Variants in GUCY1B1 observed in about 807,000 individuals in gnomAD.
GUCY1B1 encodes guanylate cyclase 1 soluble subunit beta 1, also known as guanylate cyclase soluble subunit beta-1.
Under a neutral mutation model 71.0 loss-of-function variants are expected in GUCY1B1, and 43 were observed. The ratio of observed to expected loss-of-function variants is 0.61; its 90% CI spans 0.47 to 0.78. The LOEUF is 0.78. Ranked by LOEUF, GUCY1B1 falls within the 30% of genes least tolerant of loss-of-function variation. GUCY1B1 has a pLI of 0.00. For synonymous variants in GUCY1B1, 266 were observed against 259.7 expected, an observed-to-expected ratio of 1.02 and a Z score of -0.23; for missense variants, 535 against 754.1, an observed-to-expected ratio of 0.71 and a Z score of 3.40.
In GUCY1B1 at chr4:155,804,838, CAG is replaced by C. The variant is rs146996440; in HGVS notation, c.1709+94_1709+95del. The C allele has an allele frequency of 1.5e-3, 1,705 of 1,144,642 alleles. 15 individuals are homozygous for C. In the African/African-American group the frequency reaches 0.023, roughly 16 times the overall value. 70.9% of individuals were successfully genotyped at this position (1,144,642 alleles called of 1,614,324 possible). On this transcript the variant is annotated intron_variant, in intron 12 of 13. Transcript: ENST00000264424. ...TCTCTGAGAGATTTTGTTGCTTTAACAGAGTTATCACCTTCACTCTTCCCCAC... is the reference window on the plus strand; with the variant it reads ...TCTCTGAGAGATTTTGTTGCTTTAACAGTTATCACCTTCACTCTTCCCCAC...
At chr4:155,796,253 T>C in intron 7 of GUCY1B1, 124 bp from the exon 8 acceptor site, 1 of 861,326 alleles carries the variant, frequency 1.2e-6, no homozygotes. Flanking sequence ...GGCCCTCTCC[T>C]GTTCTAATGA....
rs927047888 is a variant in GUCY1B1, at chr4:155,807,395, G to A, written c.*986G>A. ...TACTTTCAGCATAGAATGCATTACT[G>A]TTGGAATAATTGGCCTCTAGCTCTT... On this transcript the variant is annotated 3_prime_UTR_variant, in exon 14 of 14. Transcript: ENST00000264424. The A allele has an allele frequency of 2.6e-5, 4 of 152,124 alleles. No homozygotes were observed. The highest frequency in any genetic ancestry group is 9.7e-5 in the African/African-American group (4 of 41,442). 9.4% of individuals were successfully genotyped at this position (152,124 alleles called of 1,614,324 possible). A position where few individuals can be genotyped will look rare whatever the true frequency, so the allele number is the denominator to read the frequency against.
At chr4:155,770,036 T>A (rs1359732860) in intron 2 of GUCY1B1, among the ~76,000 whole-genome samples, 1 of 152,168 alleles carries the variant, frequency 6.6e-6, no homozygotes, top group Non-Finnish European at 1.5e-5. Context: ...GTCACAAAAA[T>A]AAATTTTAAA....
chr4:155,798,908 G>A (rs1446924270), intron 8 of GUCY1B1, among the ~76,000 whole-genome samples: 4 of 152,148 alleles, frequency 2.6e-5, no homozygotes, highest in Non-Finnish European at 5.9e-5. Flanking sequence ...CATGATCTCA[G>A]CTCACTGCAG....
chr4:155,803,785 T>C, intron 11 of GUCY1B1, 21 bp downstream of exon 11: 1 of 1,498,222 alleles, frequency 6.7e-7, no homozygotes, highest in Non-Finnish European at 9.0e-7. Flanking sequence ...GAAGTAGATA[T>C]TGTAATAATG....
intron 3 of GUCY1B1, among the ~76,000 whole-genome samples, chr4:155,776,349 A>G (rs774485653): frequency 5.3e-5 from 8 of 152,210 alleles, no homozygotes; most frequent in Admixed American, 2.6e-4. Flanking sequence ...TACATTTTCA[A>G]TAAGAAGGGA....
chr4:155,806,501 A>G lies in GUCY1B1; in HGVS notation c.*92A>G. ...CCAGGAGCAGTTCTTCCCTATGGAT[A>G]CAGATTTTCTTTTGTCCTTGTCCAT... On this transcript the variant is annotated 3_prime_UTR_variant, in exon 14 of 14. Transcript: ENST00000264424. 1.2e-6 allele frequency: 1 copy of G among 812,704 alleles called. No homozygotes were observed. The highest frequency in any genetic ancestry group is 1.5e-5 in the South Asian group (1 of 65,898). The allele number at this position is 812,704 out of a possible 1,614,324, so 50.3% of individuals were successfully genotyped here. A position where few individuals can be genotyped will look rare whatever the true frequency, so the allele number is the denominator to read the frequency against.
intron 2 of GUCY1B1, among the ~76,000 whole-genome samples, chr4:155,769,764 T>C (rs984954967): frequency 6.6e-5 from 10 of 152,056 alleles, no homozygotes; most frequent in African/African-American, 2.2e-4. Context: ...TTCAGAAAAA[T>C]CTTAAATTGT....
chr4:155,797,405 T>C (rs913202649), intron 8 of GUCY1B1, among the ~76,000 whole-genome samples: 6 of 152,190 alleles, frequency 3.9e-5, no homozygotes, highest in African/African-American at 1.4e-4. Flanking sequence ...ATTATTACTA[T>C]TGTATTATAC....
rs139193084 is a variant in GUCY1B1, at chr4:155,772,625, G to A, written c.78-2343G>A. The A allele has an allele frequency of 6.0e-4, 416 of 691,784 alleles. 3 individuals are homozygous for A. In the East Asian group the frequency reaches 6.4e-3, roughly 11 times the overall value. The allele number at this position is 691,784 out of a possible 1,614,324, so 42.9% of individuals were successfully genotyped here. On this transcript the variant is annotated intron_variant, in intron 2 of 13. Coordinates refer to ENST00000264424, the MANE Select transcript of GUCY1B1 (RefSeq NM_000857.5). ...AGGAGAGAAGAGGTCTTGGTATGTC[G>A]CCCAGGCTGTTCTCAAATTCCTGAG...
intron 6 of GUCY1B1, among the ~76,000 whole-genome samples, chr4:155,794,580 C>G (rs1329364853): frequency 6.6e-6 from 1 of 152,204 alleles, no homozygotes; most frequent in Non-Finnish European, 1.5e-5. Context: ...TGAGAAACTG[C>G]TGTTGACTTC....
At chr4:155,797,836 A>G (rs1209500459) in intron 8 of GUCY1B1, among the ~76,000 whole-genome samples, 1 of 151,506 alleles carries the variant, frequency 6.6e-6, no homozygotes, top group Non-Finnish European at 1.5e-5. Context: ...ATAATATATC[A>G]GATAATATAA....
chr4:155,797,481 T>C (rs1739633183), intron 8 of GUCY1B1, among the ~76,000 whole-genome samples: 1 of 152,132 alleles, frequency 6.6e-6, no homozygotes, highest in Admixed American at 6.5e-5. Context: ...AGTTCACACC[T>C]GTAATCCCAG....
intron 4 of GUCY1B1, among the ~76,000 whole-genome samples, chr4:155,786,672 A>T (rs188135515): frequency 5.3e-5 from 8 of 151,030 alleles, no homozygotes; most frequent in Admixed American, 1.3e-4. Flanking sequence ...ACGGGGTTTC[A>T]CCGTGTTAGC....
intron 4 of GUCY1B1, among the ~76,000 whole-genome samples, chr4:155,784,687 A>C (rs1738649375): frequency 6.6e-6 from 1 of 152,128 alleles, no homozygotes; most frequent in South Asian, 2.1e-4. Flanking sequence ...CCCATCCACT[A>C]AAACAAGGAT....
intron 2 of GUCY1B1, among the ~76,000 whole-genome samples, chr4:155,773,758 G>T (rs1286825840): frequency 6.6e-6 from 1 of 152,106 alleles, no homozygotes; most frequent in Non-Finnish European, 1.5e-5. Context: ...ATATGAGTTT[G>T]AGGCATTTCT....
chr4:155,759,235 C>A, intron 1 of GUCY1B1, 92 bp downstream of exon 1: 5 of 1,325,516 alleles, frequency 3.8e-6, no homozygotes, highest in Non-Finnish European at 4.2e-6. Context: ...GAGCTTGGCT[C>A]GGGGGCCCTG....
Position 155,784,494 on chromosome 4 carries a change from C to A in GUCY1B1, c.298-5220C>A, listed in dbSNP as rs1738635163. On this transcript the variant is annotated intron_variant, in intron 4 of 13. Transcript: ENST00000264424. ...ACAAAATATTTTTTAAATTACATGA[C>A]TCTCATTAAAGAATGTTGGTGTTGG... is the stretch of plus-strand genomic sequence containing the variant. Among the ~76,000 whole-genome samples, 6 of 152,176 alleles carry A rather than the reference C, an allele frequency of 3.9e-5. 1 individual carries two copies. The South Asian group carries it at 1.2e-3, about 32-fold the overall frequency.
chr4:155,792,479 A>G (rs1739246994), intron 5 of GUCY1B1, among the ~76,000 whole-genome samples: 1 of 152,178 alleles, frequency 6.6e-6, no homozygotes, highest in African/African-American at 2.4e-5. Flanking sequence ...AATTATAAAT[A>G]AGGATACTAA....
Sources: allele counts gnomAD v4.1 joint callset (sites outside exome capture counted in the v4.1 genomes callset), GRCh38; gene constraint gnomAD v4.1.1; transcripts MANE v1.5; gene names NCBI Gene and HGNC (gene_info 2026-07-23, HGNC 2026-07-21).